The following MRGPRF variants were observed in gnomAD, a reference collection of about 807,000 sequenced individuals.
MRGPRF encodes MAS related GPR family member F.
A neutral mutation model predicts 3.3 loss-of-function variants in MRGPRF; 2 were observed. The ratio of observed to expected loss-of-function variants is 0.61; its 90% CI spans 0.25 to 1.92. The LOEUF (loss-of-function observed/expected upper bound fraction) is 1.92. Among genes scored for constraint, MRGPRF ranks in the 40% most tolerant of loss-of-function variants. The pLI, the probability that MRGPRF is intolerant of heterozygous loss-of-function variation, is 0.16. For synonymous variants in MRGPRF, 242 were observed against 222.7 expected, an observed-to-expected ratio of 1.09 and a Z score of -0.77; for missense variants, 500 against 476.0, an observed-to-expected ratio of 1.05 and a Z score of -0.47.
At chr11:69,012,335 C>T in intron 1 of MRGPRF, 1 of 152,450 alleles carries the variant, frequency 6.6e-6, no homozygotes, top group Non-Finnish European at 1.5e-5. Flanking sequence ...GCTGTCCCAG[C>T]CCCTCTCCTT....
At chr11:69,010,384 T>A (rs1046082639) in intron 1 of MRGPRF, among the ~76,000 whole-genome samples, 1 of 152,242 alleles carries the variant, frequency 6.6e-6, no homozygotes. Context: ...GGATCATTCC[T>A]GGCAGGGGGA....
intron 1 of MRGPRF, chr11:69,012,168 C>T (rs969838935): frequency 6.6e-6 from 1 of 152,334 alleles, no homozygotes; most frequent in Non-Finnish European, 1.5e-5. Flanking sequence ...CTGAAGCTGA[C>T]CCAAAAAGCT....
At position 69,006,019 on chromosome 11, in the gene MRGPRF, C is replaced by T. The variant is rs1454275178; in HGVS notation, c.291G>A (p.Ala97=). 1.9e-6 allele frequency: 3 copies of T among 1,571,802 alleles called. No homozygotes were observed. The highest frequency in any genetic ancestry group is 1.9e-5 in the Admixed American group (1 of 52,862). Residue 97 remains alanine (A), a synonymous_variant, in exon 3 of 3, where the codon GCG becomes GCA. Coordinates refer to ENST00000309099, the MANE Select transcript of MRGPRF (RefSeq NM_145015.5). ...CCCCCGTGTTCAGGATGGAGAACAC[C>T]GCCTTGCTGAAGAGGTAGCCCACAT... The part of the protein sequence containing the change: ...SADVGYLFSK[A]VFSILNTGGF...
intron 2 of MRGPRF, 104 bp from the exon 3 acceptor site, chr11:69,006,365 C>T (rs1860491663): frequency 1.3e-5 from 14 of 1,098,146 alleles, no homozygotes; most frequent in East Asian, 2.8e-5. Flanking sequence ...CAATTAGGGA[C>T]TTGGGGCAGG....
chr11:69,006,333 G>C, intron 2 of MRGPRF, 72 bp from the exon 3 acceptor site: 2 of 1,409,292 alleles, frequency 1.4e-6, no homozygotes, highest in Non-Finnish European at 1.8e-6. Flanking sequence ...CTGGGGCCCA[G>C]CGTGGGGGAG....
At chr11:69,008,913 C>T (rs1283851280) in intron 2 of MRGPRF, among the ~76,000 whole-genome samples, 3 of 152,182 alleles carry the variant, frequency 2.0e-5, no homozygotes, top group African/African-American at 7.2e-5. Flanking sequence ...AGGGGGAGGC[C>T]GGGTGAGTCA....
chr11:69,011,177 C>T (rs1257413753), intron 1 of MRGPRF, among the ~76,000 whole-genome samples: 1 of 152,144 alleles, frequency 6.6e-6, no homozygotes, highest in African/African-American at 2.4e-5. Flanking sequence ...CGGGGGCGGG[C>T]CGTACTCCTG....
At position 69,005,767 on chromosome 11, in the gene MRGPRF, G is replaced by A. The variant is rs372082878; in HGVS notation, c.543C>T (p.Phe181=). The A allele has an allele frequency of 5.8e-6, 9 of 1,546,970 alleles. No homozygotes were observed. In the African/African-American group the frequency reaches 1.1e-4, roughly 19 times the overall value. ...GGGCCCCGCGGCCCAGGAACACGCA[G>A]AAGTAGTTGTGCAGGCAGGTGACCA... ...SLLVTCLHNY[F]CVFLGRGAPG... Residue 181 remains phenylalanine (F), a synonymous_variant, in exon 3 of 3, where the codon TTC becomes TTT. Transcript: ENST00000309099.
At position 69,005,967 on chromosome 11, in the gene MRGPRF, T is replaced by A; in HGVS notation, c.343A>T (p.Ile115Phe). 6.4e-7 allele frequency: 1 copy of A among 1,566,704 alleles called. No individual in the cohort carries two copies. The highest frequency in any genetic ancestry group is 2.4e-5 in the East Asian group (1 of 42,482). The change falls in exon 3 of 3, where the codon ATC becomes TTC. Residue 115 changes from isoleucine (I) to phenylalanine (F), a missense_variant. By Grantham distance (21) the Ile-to-Phe change is conservative. Coordinates refer to ENST00000309099, the MANE Select transcript of MRGPRF (RefSeq NM_145015.5). ...GGFLGTFADY[I>F]RSVCRVLGLC... Reference sequence around the variant, plus strand: ...CCCAGGACCCGGCACACGCTGCGGATGTAGTCGGCAAACGTGCCCAGGAAG... The same window carrying A: ...CCCAGGACCCGGCACACGCTGCGGAAGTAGTCGGCAAACGTGCCCAGGAAG...
chr11:69,005,964 G>T lies in MRGPRF; in HGVS notation c.346C>A (p.Arg116Ser), dbSNP rs866254239. The T allele has an allele frequency of 6.4e-7, 1 of 1,566,310 alleles. No homozygotes were observed. The highest frequency in any genetic ancestry group is 2.4e-5 in the East Asian group (1 of 42,430). ...GFLGTFADYI[R>S]SVCRVLGLCM... is the part of the protein sequence containing the mutation. ...AGCCCCAGGACCCGGCACACGCTGC[G>T]GATGTAGTCGGCAAACGTGCCCAGG... The change falls in exon 3 of 3, where the codon CGC becomes AGC. Residue 116 changes from arginine (R) to serine (S), a missense_variant. Physicochemically the swap from Arg to Ser is moderately radical, Grantham distance 110. Coordinates refer to ENST00000309099, the MANE Select transcript of MRGPRF (RefSeq NM_145015.5).
rs548855149 is a variant in MRGPRF, at chr11:69,010,963, T to TG, written c.-56-1007dup. Among the ~76,000 whole-genome samples, 443 of 152,192 alleles carry TG rather than the reference T, an allele frequency of 2.9e-3. 1 individual carries two copies. The highest frequency in any genetic ancestry group is 0.014 in the Middle Eastern group (4 of 292). On this transcript the variant is annotated intron_variant, in intron 1 of 2. Coordinates refer to ENST00000309099, the MANE Select transcript of MRGPRF (RefSeq NM_145015.5). The stretch of plus-strand genomic sequence containing the variant: ...CATCTATTATTATTCCCTGCTGTAC[T>TG]GGGGGGGTAAACTGAGGCTGTGAGC...
intron 2 of MRGPRF, among the ~76,000 whole-genome samples, chr11:69,008,949 C>A (rs1860539982): frequency 6.6e-6 from 1 of 152,220 alleles, no homozygotes; most frequent in South Asian, 2.1e-4. Context: ...CCGTGACCAG[C>A]CGCATACTGC....
At chr11:69,011,896 G>A (rs1860605184) in intron 1 of MRGPRF, among the ~76,000 whole-genome samples, 1 of 152,204 alleles carries the variant, frequency 6.6e-6, no homozygotes, top group African/African-American at 2.4e-5. Context: ...AGGTGGGCAT[G>A]CAGTGGGGGC....
At position 69,005,331 on chromosome 11, in the gene MRGPRF, T is replaced by G; in HGVS notation, c.979A>C (p.Thr327Pro). The G allele has an allele frequency of 6.4e-7, 1 of 1,556,334 alleles. No individual in the cohort carries two copies. The highest frequency in any genetic ancestry group is 1.2e-5 in the South Asian group (1 of 84,034). Reference sequence around the variant, plus strand: ...ATCTCCATGGTGACTGTGTTGGGCGTGCTGCCCCCGGCCTCCCCCAGCTCA... The same window carrying G: ...ATCTCCATGGTGACTGTGTTGGGCGGGCTGCCCCCGGCCTCCCCCAGCTCA... ...GAELGEAGGS[T>P]PNTVTMEMQC... Residue 327 changes from threonine (T) to proline (P), a missense_variant, in exon 3 of 3, where the codon ACG becomes CCG. Physicochemically the swap from Thr to Pro is conservative, Grantham distance 38. Coordinates refer to ENST00000309099, the MANE Select transcript of MRGPRF (RefSeq NM_145015.5).
intron 2 of MRGPRF, among the ~76,000 whole-genome samples, chr11:69,007,146 C>T (rs533688710): frequency 4.6e-5 from 7 of 152,350 alleles, no homozygotes; most frequent in Non-Finnish European, 7.3e-5. Context: ...GCTACGGGAA[C>T]GTCCTTGTTC....
chr11:69,005,267 G>A lies in MRGPRF; in HGVS notation c.*11C>T. On this transcript the variant is annotated 3_prime_UTR_variant, in exon 3 of 3. Coordinates refer to ENST00000309099, the MANE Select transcript of MRGPRF (RefSeq NM_145015.5). ...CGCTTCCTGCCCCTGCCTCCTCCAG[G>A]CGCTGGAGTCTCAGGAGGCGTTCCC... 4 of 1,474,308 alleles carry A rather than the reference G, an allele frequency of 2.7e-6. No individual in the cohort carries two copies. The highest frequency in any genetic ancestry group is 3.6e-6 in the Non-Finnish European group (4 of 1,118,348). 91.3% of individuals were successfully genotyped at this position (1,474,308 alleles called of 1,614,324 possible). A position where few individuals can be genotyped will look rare whatever the true frequency, so the allele number is the denominator to read the frequency against.
Position 69,006,207 on chromosome 11 carries a change from T to C in MRGPRF, c.103A>G (p.Ile35Val), listed in dbSNP as rs1566470144. The change falls in exon 3 of 3, where the codon ATC becomes GTC. Residue 35 changes from isoleucine (I) to valine (V), a missense_variant. Transcript: ENST00000309099. ...GGCGGCAGCATCGCGATCTGCTCGA[T>C]GGTCAGGAAGCCCCGGCTGTAGAGT... is the stretch of plus-strand genomic sequence containing the variant. ...PELYSRGFLTIEQIAMLPPPA... is the reference protein window; with the variant it reads ...PELYSRGFLTVEQIAMLPPPA... The C allele has an allele frequency of 1.9e-6, 3 of 1,613,642 alleles. No homozygotes were observed. The highest frequency in any genetic ancestry group is 8.5e-7 in the Non-Finnish European group (1 of 1,180,030).
intron 1 of MRGPRF, 132 bp from the exon 2 acceptor site, chr11:69,010,089 CT>C: frequency 1.6e-6 from 1 of 618,310 alleles, no homozygotes; most frequent in Admixed American, 3.0e-5. Context: ...ACCCCACACC[CT>C]CAGCAGCAGG....
chr11:69,009,600 A>G, intron 2 of MRGPRF: 2 of 610,860 alleles, frequency 3.3e-6, no homozygotes, highest in East Asian at 2.8e-5. Context: ...CAAGGCGACC[A>G]CAGTGTCAGC....
Sources: gnomAD v4.1 joint callset for allele counts (sites outside exome capture counted in the v4.1 genomes callset) on GRCh38, gnomAD v4.1.1 for gene constraint, MANE v1.5 for transcripts, NCBI Gene and HGNC (gene_info 2026-07-23, HGNC 2026-07-21) for gene names.